Variants in ESRRG observed in about 807,000 individuals in gnomAD.
The protein encoded by ESRRG is estrogen related receptor gamma.
A neutral mutation model predicts 44.0 loss-of-function variants in ESRRG; 13 were observed. The observed-to-expected ratio is 0.30, with a 90% CI of 0.19 to 0.47. The LOEUF (loss-of-function observed/expected upper bound fraction) is 0.47, where lower values mean the gene tolerates loss of function less well. ESRRG is among the 20% of genes least tolerant of loss of function. ESRRG has a pLI of 1.00. For missense variants in ESRRG, 395 were observed against 580.6 expected, an observed-to-expected ratio of 0.68 and a Z score of 3.29; for synonymous variants, 215 against 214.6, an observed-to-expected ratio of 1.00 and a Z score of -0.02.
chr1:217,099,933 T>C (rs2092482986), intron 1 of ESRRG, among the ~76,000 whole-genome samples: 2 of 151,820 alleles, frequency 1.3e-5, no homozygotes, highest in Admixed American at 6.6e-5. Flanking sequence ...GGAGAATCCG[T>C]AGTAATAATG....
At chr1:216,911,185 C>A (rs1463044887) in intron 2 of ESRRG, among the ~76,000 whole-genome samples, 1 of 152,090 alleles carries the variant, frequency 6.6e-6, no homozygotes, top group Non-Finnish European at 1.5e-5. Context: ...ATGTTTATTG[C>A]AGTTTTATTT....
chr1:216,568,379 A>G (rs1244564724), intron 3 of ESRRG, among the ~76,000 whole-genome samples: 1 of 152,204 alleles, frequency 6.6e-6, no homozygotes, highest in Admixed American at 6.5e-5. Flanking sequence ...CATGTAGATT[A>G]ATACAAAGAA....
intron 2 of ESRRG, among the ~76,000 whole-genome samples, chr1:216,754,708 T>A (rs893773609): frequency 4.8e-4 from 73 of 151,022 alleles, no homozygotes; most frequent in African/African-American, 1.2e-3. Context: ...AGAACTTTTT[T>A]TTTTTTTTTT....
intron 2 of ESRRG, among the ~76,000 whole-genome samples, chr1:216,891,719 G>T (rs886394479): frequency 6.6e-6 from 1 of 151,772 alleles, no homozygotes; most frequent in Non-Finnish European, 1.5e-5. Context: ...TTTTTAGGGG[G>T]CAGAGGAAAT....
intron 1 of ESRRG, among the ~76,000 whole-genome samples, chr1:216,998,905 T>C (rs910565627): frequency 5.3e-5 from 8 of 152,214 alleles, no homozygotes; most frequent in African/African-American, 1.7e-4. Context: ...GAAAAGATAA[T>C]GAAACATGGA....
At chr1:216,600,527 T>G (rs1027589657) in intron 3 of ESRRG, among the ~76,000 whole-genome samples, 1 of 152,174 alleles carries the variant, frequency 6.6e-6, no homozygotes, top group African/African-American at 2.4e-5. Context: ...TTGTTTTGTT[T>G]TTTAACTTTT....
At chr1:216,766,940 G>A (rs2152374963) in intron 2 of ESRRG, among the ~76,000 whole-genome samples, 1 of 152,168 alleles carries the variant, frequency 6.6e-6, no homozygotes, top group South Asian at 2.1e-4. Context: ...CTTTTTCTGA[G>A]CTAAAGAAAT....
intron 1 of ESRRG, among the ~76,000 whole-genome samples, chr1:216,682,960 T>C (rs1053225825): frequency 6.6e-6 from 1 of 152,130 alleles, no homozygotes; most frequent in African/African-American, 2.4e-5. Flanking sequence ...CAGCTGCTAT[T>C]GTCAGAGAAT....
chr1:216,937,130 T>A (rs2064280317), intron 2 of ESRRG, among the ~76,000 whole-genome samples: 2 of 151,600 alleles, frequency 1.3e-5, no homozygotes, highest in Non-Finnish European at 2.9e-5. Flanking sequence ...AAAAAAAAAC[T>A]CAAATTTTTT....
At chr1:216,744,484 GCACA>G (rs57621941) in intron 2 of ESRRG, among the ~76,000 whole-genome samples, 118,413 of 149,528 alleles carry the variant, frequency 0.79, 46,844 homozygotes, top group South Asian at 0.88. Flanking sequence ...ACACAGACAT[GCACA>G]CACACACACA....
At chr1:216,556,006 C>T (rs1186476658) in intron 5 of ESRRG, among the ~76,000 whole-genome samples, 1 of 152,114 alleles carries the variant, frequency 6.6e-6, no homozygotes, top group African/African-American at 2.4e-5. Context: ...ACATTCTATG[C>T]ATCATGTTCT....
intron 5 of ESRRG, among the ~76,000 whole-genome samples, chr1:216,531,965 T>TA (rs2049492654): frequency 6.6e-6 from 1 of 152,090 alleles, no homozygotes. Context: ...TAGAAGTTTT[T>TA]ATATCAGGTT....
At chr1:216,980,020 T>C (rs1447713593) in intron 1 of ESRRG, among the ~76,000 whole-genome samples, 2 of 151,824 alleles carry the variant, frequency 1.3e-5, no homozygotes, top group South Asian at 4.1e-4. Flanking sequence ...GACTCTTCCA[T>C]ACAAAATGCT....
chr1:216,975,208 G>A (rs1235350605), intron 1 of ESRRG, among the ~76,000 whole-genome samples: 5 of 152,298 alleles, frequency 3.3e-5, no homozygotes, highest in Middle Eastern at 6.8e-3. Context: ...ACTCAGAAAT[G>A]AGATCAGATT....
intron 2 of ESRRG, chr1:216,862,650 T>C (rs183222791): frequency 4.2e-4 from 64 of 152,272 alleles, no homozygotes; most frequent in African/African-American, 1.4e-3. Flanking sequence ...GAATATATAC[T>C]GTAGGATTCC....
At chr1:217,136,450 C>T (rs765783933) in intron 1 of ESRRG, among the ~76,000 whole-genome samples, 33 of 152,178 alleles carry the variant, frequency 2.2e-4, no homozygotes, top group Non-Finnish European at 4.9e-4. Context: ...GGAGGGCAAA[C>T]GCGGGCACCC....
intron 2 of ESRRG, among the ~76,000 whole-genome samples, chr1:216,793,894 C>A (rs1308392327): frequency 6.6e-6 from 1 of 151,822 alleles, no homozygotes; most frequent in Non-Finnish European, 1.5e-5. Flanking sequence ...TCCTCTCCTT[C>A]CTGTTTTTAT....
chr1:216,598,698 T>C (rs1357199063), intron 3 of ESRRG, among the ~76,000 whole-genome samples: 2 of 152,088 alleles, frequency 1.3e-5, no homozygotes, highest in Non-Finnish European at 1.5e-5. Context: ...GCTTTCTTCT[T>C]TAATGGCTAA....
intron 2 of ESRRG, among the ~76,000 whole-genome samples, chr1:216,834,625 TC>T (rs1272215244): frequency 3.9e-5 from 6 of 152,298 alleles, no homozygotes; most frequent in Admixed American, 3.9e-4. Flanking sequence ...AAAATGATTG[TC>T]TTTGACCAGC....
Sources: allele counts gnomAD v4.1 joint callset (sites outside exome capture counted in the v4.1 genomes callset), GRCh38; gene constraint gnomAD v4.1.1; transcripts MANE v1.5; gene names NCBI Gene and HGNC (gene_info 2026-07-23, HGNC 2026-07-21).